PLCG2: variants seen among roughly 807,000 people sequenced by gnomAD.
The protein encoded by PLCG2 is phospholipase C gamma 2.
In PLCG2, 69 loss-of-function variants were observed where a neutral mutation model predicts 175.6. That is an observed-to-expected ratio of 0.39 (90% CI 0.32 to 0.48). The LOEUF is 0.48. Ranked by LOEUF, PLCG2 falls within the 20% of genes least tolerant of loss-of-function variation. The probability of loss-of-function intolerance (pLI) is 0.91; values close to 1 mark genes in which losing one functional copy is unlikely to be tolerated. For synonymous variants in PLCG2, 827 were observed against 624.0 expected, an observed-to-expected ratio of 1.33 and a Z score of -4.85; for missense variants, 1,798 against 1,650.9, an observed-to-expected ratio of 1.09 and a Z score of -1.54.
At chr16:81,903,483 C>G (rs899755772) in intron 14 of PLCG2, among the ~76,000 whole-genome samples, 2 of 152,244 alleles carry the variant, frequency 1.3e-5, no homozygotes, top group Admixed American at 1.3e-4. Flanking sequence ...AGCGGGAGAT[C>G]AGCTGTCATT....
At chr16:81,940,750 C>A (rs947487755) in intron 30 of PLCG2, among the ~76,000 whole-genome samples, 2 of 152,156 alleles carry the variant, frequency 1.3e-5, no homozygotes, top group African/African-American at 4.8e-5. Flanking sequence ...ATTTGGGACC[C>A]TGCTGCTTCT....
chr16:81,802,569 T>C (rs1314405263), intron 2 of PLCG2, among the ~76,000 whole-genome samples: 1 of 152,100 alleles, frequency 6.6e-6, no homozygotes, highest in Non-Finnish European at 1.5e-5. Flanking sequence ...TTTCTTTCTT[T>C]TTTTGTTTTT....
At chr16:81,753,139 ACC>A (rs1567693646) in intron 1 of PLCG2, among the ~76,000 whole-genome samples, 3 of 151,728 alleles carry the variant, frequency 2.0e-5, no homozygotes, top group African/African-American at 2.4e-5. Context: ...CCGGCCTCGC[ACC>A]CTTCCACACC....
intron 17 of PLCG2, 61 bp downstream of exon 17, chr16:81,908,652 TG>T: frequency 6.9e-7 from 1 of 1,456,508 alleles, no homozygotes; most frequent in South Asian, 1.3e-5. Context: ...TGAGGCAGGG[TG>T]GCGAGTGGTT....
At chr16:81,883,396 A>T in intron 9 of PLCG2, 55 bp downstream of exon 9, 1 of 1,435,210 alleles carries the variant, frequency 7.0e-7, no homozygotes, top group East Asian at 2.3e-5. Flanking sequence ...GCTGCTGGGG[A>T]CTAGTCTCAC....
intron 1 of PLCG2, among the ~76,000 whole-genome samples, chr16:81,782,744 A>G (rs1910793883): frequency 6.6e-6 from 1 of 152,236 alleles, no homozygotes; most frequent in Non-Finnish European, 1.5e-5. Context: ...TTCATCCAAA[A>G]TCCCACAAAA....
chr16:81,856,866 C>T (rs7198768), intron 3 of PLCG2, among the ~76,000 whole-genome samples: 152,280 of 152,300 alleles, frequency 1, 76,130 homozygotes, highest in Non-Finnish European at 1. Context: ...CTTAGATACC[C>T]GGGAAGGTCA....
At chr16:81,943,835 G>A (rs1911049609) in intron 30 of PLCG2, among the ~76,000 whole-genome samples, 1 of 152,134 alleles carries the variant, frequency 6.6e-6, no homozygotes, top group East Asian at 1.9e-4. Flanking sequence ...TGAGAGCAAT[G>A]TCCCCATAAA....
chr16:81,805,767 G>GTGTTTTTT (rs1911982432), intron 2 of PLCG2, among the ~76,000 whole-genome samples: 1 of 39,520 alleles, frequency 2.5e-5, no homozygotes, highest in Non-Finnish European at 5.3e-5. Context: ...GTTTTGTTTT[G>GTGTTTTTT]TTTTTTTTTT....
At chr16:81,897,792 G>A (rs117425235) in intron 13 of PLCG2, 22,487 of 454,354 alleles carry the variant, frequency 0.049, 711 homozygotes, top group Non-Finnish European at 0.067. Flanking sequence ...TGATCCTCCC[G>A]CCTCAACCTC....
chr16:81,806,438 T>A (rs1912024545), intron 2 of PLCG2, among the ~76,000 whole-genome samples: 1 of 152,094 alleles, frequency 6.6e-6, no homozygotes, highest in African/African-American at 2.4e-5. Context: ...ATCTGATTGC[T>A]GGGCCCGAGC....
chr16:81,785,907 C>G (rs148066456), intron 1 of PLCG2, 36 bp from the exon 2 acceptor site: 2 of 1,320,786 alleles, frequency 1.5e-6, no homozygotes, highest in African/African-American at 1.5e-5. Context: ...CCTTTCAGTA[C>G]TAAAATCAGT....
chr16:81,956,503 T>A (rs79179080), intron 31 of PLCG2, among the ~76,000 whole-genome samples, 192 bp from the exon 32 acceptor site: 1,880 of 152,314 alleles, frequency 0.012, 42 homozygotes, highest in African/African-American at 0.043. Context: ...TTAAACTGCT[T>A]GCTTCCCACA....
chr16:81,794,662 A>C (rs537729106), intron 2 of PLCG2, among the ~76,000 whole-genome samples: 2 of 152,238 alleles, frequency 1.3e-5, no homozygotes, highest in Admixed American at 6.5e-5. Flanking sequence ...TCTTGTGATA[A>C]GTAAATGACG....
At chr16:81,943,034 C>T (rs979760049) in intron 30 of PLCG2, among the ~76,000 whole-genome samples, 8 of 152,038 alleles carry the variant, frequency 5.3e-5, no homozygotes, top group East Asian at 3.8e-4. Flanking sequence ...CTCATGTCTC[C>T]GATTTAAGAG....
intron 25 of PLCG2, among the ~76,000 whole-genome samples, chr16:81,932,126 G>T (rs1452728763): frequency 6.6e-6 from 1 of 152,166 alleles, no homozygotes; most frequent in Non-Finnish European, 1.5e-5. Context: ...TTCCCCTCTA[G>T]ATGGGAGTGA....
intron 16 of PLCG2, 25 bp downstream of exon 16, chr16:81,907,799 G>A (rs759534143): frequency 4.3e-5 from 67 of 1,571,672 alleles, no homozygotes; most frequent in Non-Finnish European, 5.7e-5. Context: ...TAGCCACATA[G>A]GGAGGAGGTC....
upstream of PLCG2, among the ~76,000 whole-genome samples, chr16:81,776,557 G>A (rs939691090): frequency 5.3e-5 from 8 of 152,094 alleles, no homozygotes; most frequent in African/African-American, 1.4e-4. Context: ...TGATGATGAC[G>A]ACGATTGTTA....
intron 2 of PLCG2, among the ~76,000 whole-genome samples, chr16:81,795,481 C>T (rs1911425995): frequency 6.6e-6 from 1 of 152,206 alleles, no homozygotes; most frequent in Admixed American, 6.5e-5. Flanking sequence ...GTTTATCTCT[C>T]ACTCACTCAA....
Sources: gnomAD v4.1 joint callset for allele counts (sites outside exome capture counted in the v4.1 genomes callset) on GRCh38, gnomAD v4.1.1 for gene constraint, MANE v1.5 for transcripts, NCBI Gene and HGNC (gene_info 2026-07-23, HGNC 2026-07-21) for gene names.